Variants in CHN2 observed in about 807,000 individuals in gnomAD.
The protein encoded by CHN2 is chimerin 2.
In CHN2, 35 loss-of-function variants were observed where a neutral mutation model predicts 56.3. That is an observed-to-expected ratio of 0.62 (90% CI 0.47 to 0.82). The LOEUF (loss-of-function observed/expected upper bound fraction) is 0.82. CHN2 is among the 40% of genes least tolerant of loss of function. The probability of loss-of-function intolerance (pLI) is 0.00; values close to 1 mark genes in which losing one functional copy is unlikely to be tolerated. For missense variants in CHN2, 491 were observed against 580.5 expected, an observed-to-expected ratio of 0.85 and a Z score of 1.58; for synonymous variants, 210 against 212.8, an observed-to-expected ratio of 0.99 and a Z score of 0.12.
At chr7:29,495,914 C>T (rs781077925) in intron 7 of CHN2, 38 bp from the exon 8 acceptor site, 5 of 1,582,308 alleles carry the variant, frequency 3.2e-6, no homozygotes, top group Non-Finnish European at 4.3e-6. Context: ...TTAAATGACT[C>T]TGAGCTTTCT....
chr7:29,412,563 T>A (rs1449659751), intron 6 of CHN2, among the ~76,000 whole-genome samples: 2 of 152,096 alleles, frequency 1.3e-5, no homozygotes, highest in Non-Finnish European at 2.9e-5. Context: ...TCTCTTGACC[T>A]CGTGATCCGC....
chr7:29,302,966 C>T (rs776662973), intron 1 of CHN2, among the ~76,000 whole-genome samples: 3 of 152,180 alleles, frequency 2.0e-5, no homozygotes, highest in African/African-American at 4.8e-5. Context: ...ATTATACACA[C>T]GTATACACAT....
intron 6 of CHN2, among the ~76,000 whole-genome samples, chr7:29,441,106 A>G (rs1783616742): frequency 6.6e-6 from 1 of 152,238 alleles, no homozygotes; most frequent in Non-Finnish European, 1.5e-5. Flanking sequence ...ATCAAAGTAC[A>G]CAAAGCCTCA....
chr7:29,319,130 T>A (rs77349969), intron 1 of CHN2, among the ~76,000 whole-genome samples: 1 of 152,366 alleles, frequency 6.6e-6, no homozygotes, highest in Non-Finnish European at 1.5e-5. Context: ...AACATGCAAC[T>A]ATGTGTGTGA....
At chr7:29,274,573 T>A (rs1791025902) in intron 1 of CHN2, among the ~76,000 whole-genome samples, 1 of 152,118 alleles carries the variant, frequency 6.6e-6, no homozygotes, top group Non-Finnish European at 1.5e-5. Context: ...GAAATAAGCA[T>A]GAATGGAAAG....
At chr7:29,370,910 G>A (rs1028136199) in intron 3 of CHN2, among the ~76,000 whole-genome samples, 9 of 152,212 alleles carry the variant, frequency 5.9e-5, no homozygotes, top group African/African-American at 2.2e-4. Flanking sequence ...GAGCTCAGCT[G>A]CAAAGTCAGC....
At chr7:29,312,899 C>G (rs368934169) in intron 1 of CHN2, among the ~76,000 whole-genome samples, 40 of 152,096 alleles carry the variant, frequency 2.6e-4, no homozygotes, top group African/African-American at 9.4e-4. Context: ...TTTTGCCTCC[C>G]CACACTCCAG....
intron 8 of CHN2, among the ~76,000 whole-genome samples, chr7:29,497,172 G>A (rs1242201136): frequency 6.6e-6 from 1 of 152,196 alleles, no homozygotes; most frequent in East Asian, 1.9e-4. Flanking sequence ...ACATAGCTCA[G>A]AAGCAGCTTC....
chr7:29,495,815 A>G, intron 7 of CHN2, 137 bp from the exon 8 acceptor site: 1 of 679,814 alleles, frequency 1.5e-6, no homozygotes, highest in South Asian at 1.7e-5. Context: ...TTTTCTCAGG[A>G]TCTGTTTGCA....
intron 1 of CHN2, chr7:29,197,975 T>C (rs1783878669): frequency 2.2e-6 from 1 of 456,170 alleles, no homozygotes; most frequent in Non-Finnish European, 4.4e-6. Context: ...GGTAAAGGCC[T>C]GGAGATGGGT....
At chr7:29,260,511 A>AG (rs892947515) in intron 1 of CHN2, among the ~76,000 whole-genome samples, 1 of 151,724 alleles carries the variant, frequency 6.6e-6, no homozygotes, top group Non-Finnish European at 1.5e-5. Flanking sequence ...TGCAGTGAGG[A>AG]GGGGGGAATC....
At chr7:29,227,515 A>C (rs892502413) in intron 1 of CHN2, among the ~76,000 whole-genome samples, 1 of 152,238 alleles carries the variant, frequency 6.6e-6, no homozygotes, top group Non-Finnish European at 1.5e-5. Context: ...GCTCATGACC[A>C]GCTTCGCCCA....
intron 1 of CHN2, among the ~76,000 whole-genome samples, chr7:29,344,420 T>C (rs917242190): frequency 3.3e-5 from 5 of 152,152 alleles, no homozygotes; most frequent in African/African-American, 1.2e-4. Flanking sequence ...CCCTACTTAC[T>C]TCTTTAATAT....
At chr7:29,177,254 T>C (rs1006645067) in intron 2 of CHN2, among the ~76,000 whole-genome samples, 35 of 151,852 alleles carry the variant, frequency 2.3e-4, no homozygotes, top group African/African-American at 7.7e-4. Context: ...TTTGTTTTGT[T>C]TTGTTTTGTT....
intron 6 of CHN2, among the ~76,000 whole-genome samples, chr7:29,476,720 A>G (rs942441658): frequency 6.6e-6 from 1 of 152,076 alleles, no homozygotes; most frequent in Non-Finnish European, 1.5e-5. Flanking sequence ...ATGTCTGGAG[A>G]CATTTTTTAT....
upstream of CHN2, chr7:29,192,291 C>T (rs539850289): frequency 1.3e-5 from 2 of 152,202 alleles, no homozygotes; most frequent in South Asian, 4.2e-4. Context: ...CAAATACCCC[C>T]GTCCCTTCAT....
intron 1 of CHN2, among the ~76,000 whole-genome samples, chr7:29,273,347 A>ATATATATATATATATATATATGTG (rs1790848132): frequency 2.7e-5 from 1 of 37,182 alleles, no homozygotes; most frequent in African/African-American, 1.2e-4. Flanking sequence ...ATATGTGTAT[A>ATATATATATATATATATATATGTG]TATATATATA....
At chr7:29,354,698 G>C (rs759720060) in intron 2 of CHN2, 35 bp downstream of exon 2, 2 of 1,594,576 alleles carry the variant, frequency 1.3e-6, no homozygotes, top group Non-Finnish European at 1.7e-6. Context: ...CCCAGAAGTC[G>C]TTAGCAGGCC....
At chr7:29,240,361 T>C (rs1274343853) in intron 1 of CHN2, among the ~76,000 whole-genome samples, 2 of 152,184 alleles carry the variant, frequency 1.3e-5, no homozygotes, top group African/African-American at 4.8e-5. Context: ...GAGTATTGAC[T>C]CCATCTCTTA....
Sources: allele counts gnomAD v4.1 joint callset (sites outside exome capture counted in the v4.1 genomes callset), GRCh38; gene constraint gnomAD v4.1.1; transcripts MANE v1.5; gene names NCBI Gene and HGNC (gene_info 2026-07-23, HGNC 2026-07-21).